Variants in COL5A3 observed in about 807,000 individuals in gnomAD.
The protein encoded by COL5A3 is collagen type V alpha 3 chain.
COL5A3 carries 172 observed loss-of-function variants against 250.0 expected under a neutral mutation model. The ratio of observed to expected loss-of-function variants is 0.69; its 90% CI spans 0.61 to 0.78. COL5A3 has a LOEUF of 0.78. COL5A3 is among the 30% of genes least tolerant of loss of function. The pLI, the probability that COL5A3 is intolerant of heterozygous loss-of-function variation, is 0.00. For missense variants in COL5A3, 2,340 were observed against 2,334.4 expected (o/e 1.00, Z -0.05); for synonymous variants, 937 against 900.4 (o/e 1.04, Z -0.73).
rs183071502 is a variant in COL5A3 at position 9,996,448 on chromosome 19, A to T, written c.1407T>A (p.Val469=). ...TCCCACTCACCTGAGTCTGCTGCAG[A>T]ACTGCCTGAGCCTGGGCCTGCTGGA... ...VSFQQAQAQA[V]LQQTQLSMKG... The change falls in exon 13 of 67, where the codon GTT becomes GTA. Residue 469 remains valine (V), a synonymous_variant. Transcript: ENST00000264828. The T allele has an allele frequency of 1.2e-6, 2 of 1,613,942 alleles. No homozygotes were observed. Among genetic ancestry groups the T allele is most frequent in the Admixed American group, 1.7e-5 (1 of 59,988 alleles).
intron 26 of COL5A3, 64 bp downstream of exon 26, chr19:9,989,258 C>G: frequency 6.2e-7 from 1 of 1,611,012 alleles, no homozygotes; most frequent in Non-Finnish European, 8.5e-7. Flanking sequence ...CTCTGTGGCC[C>G]CTGACTGCAG....
At position 9,991,646 on chromosome 19, in the gene COL5A3, G is replaced by C. The variant is rs373977324; in HGVS notation, c.1956C>G (p.Pro652=). 8.1e-6 allele frequency: 13 copies of C among 1,609,756 alleles called. No homozygotes were observed. The highest frequency in any genetic ancestry group is 5.3e-5 in the African/African-American group (4 of 74,852). ...GAGTGCCAATGAGTCCCTGGGGACC[G>C]GGGAGTCCCTGGAGACAGAAAAAGA... ...QQGNHGSQGL[P]GPQGLIGTPG... is the part of the protein sequence containing the mutation. Residue 652 remains proline, a synonymous_variant, in exon 24 of 67, where the codon CCC becomes CCG. Transcript: ENST00000264828.
chr19:9,970,531 G>T, intron 54 of COL5A3, 91 bp downstream of exon 54: 1 of 751,304 alleles, frequency 1.3e-6, no homozygotes, highest in Non-Finnish European at 1.9e-6. Context: ...GGGTCTGTGG[G>T]GTGAGTTGAG....
chr19:9,996,738 G>C (rs748348478), intron 11 of COL5A3, 49 bp from the exon 12 acceptor site: 1 of 1,471,050 alleles, frequency 6.8e-7, no homozygotes. Context: ...GAGAGGGAGA[G>C]AGAGAGCGAG....
At position 9,974,116 on chromosome 19, in the gene COL5A3, G is replaced by A. The variant is rs139355770; in HGVS notation, c.3504+55C>T. On this transcript the variant is annotated intron_variant, in intron 47 of 66. Coordinates refer to ENST00000264828, the MANE Select transcript of COL5A3 (RefSeq NM_015719.4). Reference sequence around the variant, plus strand: ...CCCTCAAATGAATCTAATGCCTGCCGCCAACCTATAACCCCACCATCCTCC... The same window carrying A: ...CCCTCAAATGAATCTAATGCCTGCCACCAACCTATAACCCCACCATCCTCC... 6.2e-5 allele frequency: 97 copies of A among 1,572,716 alleles called. 1 individual carries two copies. The East Asian group carries it at 1.9e-3, about 31-fold the overall frequency.
intron 55 of COL5A3, 76 bp downstream of exon 55, chr19:9,969,793 G>C: frequency 6.3e-7 from 1 of 1,586,518 alleles, no homozygotes; most frequent in Non-Finnish European, 8.7e-7. Flanking sequence ...AGTGGTCATA[G>C]GTCCACCCTC....
chr19:9,978,639 G>T lies in COL5A3; in HGVS notation c.2965-12C>A. On this transcript the variant is annotated splice_polypyrimidine_tract_variant and intron_variant, in intron 40 of 66. Transcript: ENST00000264828. Reference sequence around the variant, plus strand: ...AAGCCAGTAGGTCCCTGAAGGAGGAGATAATTCACAGTTAAGAGACTCCCA... The same window carrying T: ...AAGCCAGTAGGTCCCTGAAGGAGGATATAATTCACAGTTAAGAGACTCCCA... The T allele has an allele frequency of 6.5e-7, 1 of 1,544,546 alleles. No individual in the cohort carries two copies. Among genetic ancestry groups the T allele is most frequent in the African/African-American group, 1.4e-5 (1 of 71,416 alleles).
chr19:9,992,962 C>T, intron 20 of COL5A3, 61 bp downstream of exon 20: 1 of 1,604,718 alleles, frequency 6.2e-7, no homozygotes, highest in Non-Finnish European at 8.5e-7. Context: ...TCCTGGGGCC[C>T]TGGGAGTCCT....
chr19:9,992,488 A>AG (rs2087209005), intron 21 of COL5A3, among the ~76,000 whole-genome samples: 1 of 151,900 alleles, frequency 6.6e-6, no homozygotes. Context: ...CAGAAAAGCG[A>AG]GAAAAAAAAG....
At position 10,003,678 on chromosome 19, in the gene COL5A3, G is replaced by A. The variant is rs757327554; in HGVS notation, c.736C>T (p.Arg246Trp). 1.2e-5 allele frequency: 19 copies of A among 1,613,748 alleles called. No homozygotes were observed. The East Asian group carries it at 1.3e-4, about 11-fold the overall frequency. ...TTCCTCCCTTTTCCCTTCCCCTTCCGCCGAGGACGAGGGGTTTCTGGTTCA... is the reference window on the plus strand; with the variant it reads ...TTCCTCCCTTTTCCCTTCCCCTTCCACCGAGGACGAGGGGTTTCTGGTTCA... ...QGEPETPRPR[R>W]KGKGKGRKKG... Residue 246 changes from arginine to tryptophan, a missense_variant, in exon 6 of 67, where the codon CGG becomes TGG. By Grantham distance (101) the Arg-to-Trp change is moderately radical. Around this residue, in one of 3 missense-constraint regions of COL5A3, gnomAD observed 1,152 missense variants for 1,146.3 expected, o/e 1.00. Transcript: ENST00000264828.
In COL5A3 at chr19:9,968,617, G is replaced by T; in HGVS notation, c.4206+58C>A. 6.3e-7 allele frequency: 1 copy of T among 1,590,112 alleles called. No individual in the cohort carries two copies. The highest frequency in any genetic ancestry group is 2.2e-5 in the East Asian group (1 of 44,692). On this transcript the variant is annotated intron_variant, in intron 58 of 66. Coordinates refer to ENST00000264828, the MANE Select transcript of COL5A3 (RefSeq NM_015719.4). The surrounding 1 kb of genome is among the most constrained non-coding windows in gnomAD (Gnocchi z 4.1). The stretch of plus-strand genomic sequence containing the variant: ...CACCAATCTCCCAGCCCCCCAGCCA[G>T]GGAGGGAGGGAAAGAGGGGAGGAGA...
intron 54 of COL5A3, 87 bp downstream of exon 54, chr19:9,970,535 A>T: frequency 1.3e-6 from 1 of 745,706 alleles, no homozygotes; most frequent in Non-Finnish European, 1.9e-6. Context: ...CTGTGGGGTG[A>T]GTTGAGGGCT....
intron 65 of COL5A3, among the ~76,000 whole-genome samples, chr19:9,962,604 G>A (rs1228242349): frequency 6.6e-6 from 1 of 152,024 alleles, no homozygotes; most frequent in Non-Finnish European, 1.5e-5. Context: ...ACCATGCCCT[G>A]TGCTTCCCCT....
intron 44 of COL5A3, 121 bp downstream of exon 44, chr19:9,977,108 A>G (rs1274985151): frequency 5.4e-6 from 5 of 932,628 alleles, no homozygotes; most frequent in African/African-American, 4.9e-5. Context: ...TCAAGATGGT[A>G]CCCGAGAAGG....
chr19:9,970,401 T>G (rs1305937557), intron 54 of COL5A3, among the ~76,000 whole-genome samples: 9 of 49,700 alleles, frequency 1.8e-4, no homozygotes, highest in African/African-American at 4.7e-4. Context: ...GTGAGTGGGG[T>G]CTGTGGGGTG....
chr19:9,979,388 T>C lies in COL5A3; in HGVS notation c.2742A>G (p.Gly914=). Reference sequence around the variant, plus strand: ...CCTGAGGGCCTAAGACACCAGCTGGTCCAGGCGGGCCTGTCTGACCTTGGA... The same window carrying C: ...CCTGAGGGCCTAAGACACCAGCTGGCCCAGGCGGGCCTGTCTGACCTTGGA... ...LGFQGQTGPP[G]PAGVLGPQGK... is the part of the protein sequence containing the mutation. Residue 914 remains glycine, a synonymous_variant, in exon 38 of 67, where the codon GGA becomes GGG. Coordinates refer to ENST00000264828, the MANE Select transcript of COL5A3 (RefSeq NM_015719.4). 1 of 1,614,090 alleles carries C rather than the reference T, an allele frequency of 6.2e-7. No homozygotes were observed. Among genetic ancestry groups the C allele is most frequent in the Non-Finnish European group, 8.5e-7 (1 of 1,179,998 alleles).
In COL5A3 at chr19:10,005,903, A is replaced by G. The variant is rs767861846; in HGVS notation, c.330T>C (p.Tyr110=). ...PANQSVLLSI[Y]DERGARQLGL... is the part of the protein sequence containing the mutation. ...CCAACTGCCGGGCACCCCTTTCATCATAAATGGACAGCAGGACAGACTGAT... is the reference window on the plus strand; with the variant it reads ...CCAACTGCCGGGCACCCCTTTCATCGTAAATGGACAGCAGGACAGACTGAT... Residue 110 remains tyrosine, a synonymous_variant, in exon 3 of 67, where the codon TAT becomes TAC. Coordinates refer to ENST00000264828, the MANE Select transcript of COL5A3 (RefSeq NM_015719.4). The G allele has an allele frequency of 1.9e-5, 31 of 1,614,042 alleles. No individual in the cohort carries two copies. The highest frequency in any genetic ancestry group is 2.4e-5 in the Non-Finnish European group (28 of 1,180,008).
rs200041657 is a variant in COL5A3 at position 9,977,230 on chromosome 19, G to A, written c.3287C>T (p.Ala1096Val). 51 of 1,594,338 alleles carry A rather than the reference G, an allele frequency of 3.2e-5. No individual in the cohort carries two copies. Among genetic ancestry groups the A allele is most frequent in the Non-Finnish European group, 3.8e-5 (44 of 1,162,664 alleles). ...GCCCCACTGGGGACCTTCACTCACC[G>A]CGTCTCCTTTATCGCCTTTACTCCC... is the stretch of plus-strand genomic sequence containing the variant. ...HKGSKGDKGD[A>V]GPPGQPGIRG... The change falls in exon 44 of 67, where the codon GCG (alanine) becomes GTG (valine). Residue 1096 changes from alanine (A) to valine (V), a missense_variant and splice_region_variant. This residue lies in a region of COL5A3 where 1,179 missense variants were observed against 1,162.6 expected (regional missense o/e 1.01). Transcript: ENST00000264828.
chr19:9,983,831 GT>G (rs1484410554), intron 31 of COL5A3, among the ~76,000 whole-genome samples: 1 of 145,724 alleles, frequency 6.9e-6, no homozygotes, highest in Non-Finnish European at 1.5e-5. Context: ...AAGCTTCAAA[GT>G]TTTTTTCTCA....
Sources: gnomAD v4.1 joint callset for allele counts (sites outside exome capture counted in the v4.1 genomes callset) on GRCh38, gnomAD v4.1.1 for gene constraint, gnomAD v4.1.1 regional missense constraint, Gnocchi (gnomAD v3.1) non-coding constraint, MANE v1.5 for transcripts, NCBI Gene and HGNC (gene_info 2026-07-23, HGNC 2026-07-21) for gene names.